EHMT1: variants seen among roughly 807,000 people sequenced by gnomAD.
EHMT1 encodes the protein histone-lysine N-methyltransferase EHMT1.
A neutral mutation model predicts 147.2 loss-of-function variants in EHMT1; 15 were observed. The observed-to-expected ratio is 0.10, with a 90% CI of 0.07 to 0.16. The LOEUF is 0.16. EHMT1 is among the 10% of genes least tolerant of loss of function. EHMT1 has a pLI of 1.00. For missense variants in EHMT1, 1,587 were observed against 1,772.4 expected, an observed-to-expected ratio of 0.90 and a Z score of 1.88; for synonymous variants, 795 against 709.6, an observed-to-expected ratio of 1.12 and a Z score of -1.91.
At chr9:137,827,792 A>T (rs1182894388) in intron 25 of EHMT1, among the ~76,000 whole-genome samples, 3 of 149,938 alleles carry the variant, frequency 2.0e-5, no homozygotes, top group East Asian at 4.0e-4. Context: ...CCTTTGTTCA[A>T]ATCTCCCATC....
chr9:137,821,134 C>T (rs1955382744), intron 25 of EHMT1, among the ~76,000 whole-genome samples: 1 of 152,134 alleles, frequency 6.6e-6, no homozygotes, highest in African/African-American at 2.4e-5. Context: ...CCTTGGCCTC[C>T]CAAAGTGCTG....
rs1185168348 is a variant in EHMT1, at chr9:137,835,537, C to T, written c.*584C>T. On this transcript the variant is annotated 3_prime_UTR_variant, in exon 27 of 27. Transcript: ENST00000460843. Reference sequence around the variant, plus strand: ...ATGTGGGTTTGCTTTTTAAAGGAATCCTATATCTAGTCCTATATATCAAAC... The same window carrying T: ...ATGTGGGTTTGCTTTTTAAAGGAATTCTATATCTAGTCCTATATATCAAAC... The T allele has an allele frequency of 6.6e-6, 1 of 152,506 alleles. No individual in the cohort carries two copies. The highest frequency in any genetic ancestry group is 2.4e-5 in the African/African-American group (1 of 41,436). The allele number at this position is 152,506 out of a possible 1,614,324, so 9.4% of individuals were successfully genotyped here.
At chr9:137,670,160 T>C (rs1940402302) in intron 1 of EHMT1, among the ~76,000 whole-genome samples, 1 of 152,188 alleles carries the variant, frequency 6.6e-6, no homozygotes, top group African/African-American at 2.4e-5. Context: ...GCGCCTGGGC[T>C]GAAAAAAGCT....
At chr9:137,745,777 T>G in intron 6 of EHMT1, 1 of 377,180 alleles carries the variant, frequency 2.7e-6, no homozygotes, top group Non-Finnish European at 4.7e-6. Context: ...AAGTGCTGTC[T>G]GCATTTACAG....
At position 137,636,241 on chromosome 9, in the gene EHMT1, A is replaced by G. The variant is rs200468270; in HGVS notation, c.21+17192A>G. On this transcript the variant is annotated intron_variant, in intron 1 of 26. Transcript: ENST00000460843. ...AGCCACATTTCATTTTTAGATTGCA[A>G]TTGTATAGACATAAAATTGATTTTT... Among the ~76,000 whole-genome samples the G allele has an allele frequency of 1.2e-4, 18 of 152,264 alleles. No individual in the cohort carries two copies. The East Asian group carries it at 3.3e-3, about 28-fold the overall frequency.
At chr9:137,834,319 T>A in intron 25 of EHMT1, 30 bp from the exon 26 acceptor site, 1 of 1,609,088 alleles carries the variant, frequency 6.2e-7, no homozygotes, top group Non-Finnish European at 8.5e-7. Context: ...CCTTGCTAAC[T>A]GCAGCCCGTG....
intron 19 of EHMT1, 116 bp downstream of exon 19, chr9:137,811,731 T>A: frequency 7.3e-7 from 1 of 1,374,538 alleles, no homozygotes; most frequent in South Asian, 1.2e-5. Flanking sequence ...AGGCCCTCTG[T>A]TCCTTCGTGT....
intron 8 of EHMT1, among the ~76,000 whole-genome samples, chr9:137,757,645 C>G (rs1458818967): frequency 6.6e-6 from 1 of 152,174 alleles, no homozygotes; most frequent in Non-Finnish European, 1.5e-5. Context: ...TACAGCTTCT[C>G]TCCTCCCCCA....
chr9:137,716,768 C>A lies in EHMT1; in HGVS notation c.228C>A (p.Ser76Arg), dbSNP rs368743632. 1.2e-6 allele frequency: 2 copies of A among 1,612,918 alleles called. No individual in the cohort carries two copies. Among genetic ancestry groups the A allele is most frequent in the African/African-American group, 1.3e-5 (1 of 74,872 alleles). The part of the protein sequence containing the change: ...HANAAKHTQD[S>R]ARVNPQDGTN... ...ATGCTGCAAAGCACACTCAGGACAG[C>A]GCAAGGGTCAACCCCCAGGATGGCA... The change falls in exon 3 of 27, where the codon AGC becomes AGA. Residue 76 changes from serine to arginine, a missense_variant. Ser to Arg is a moderately radical substitution (Grantham distance 110, BLOSUM62 -1). This residue lies in a region of EHMT1 where 810 missense variants were observed against 673.0 expected (regional missense o/e 1.20). Transcript: ENST00000460843.
At chr9:137,641,422 C>T (rs530500962) in intron 1 of EHMT1, 15 of 532,620 alleles carry the variant, frequency 2.8e-5, no homozygotes, top group Non-Finnish European at 5.2e-5. Context: ...TCTGTCACTT[C>T]AGCACTGGTC....
intron 10 of EHMT1, among the ~76,000 whole-genome samples, chr9:137,768,722 TGTATTTTTA>T (rs1398461602): frequency 1.1e-4 from 16 of 151,206 alleles, no homozygotes; most frequent in African/African-American, 3.6e-4. Flanking sequence ...GCTAATTTTT[TGTATTTTTA>T]GTAGAGACGG....
At chr9:137,668,699 C>T (rs188269217) in intron 1 of EHMT1, among the ~76,000 whole-genome samples, 37 of 151,678 alleles carry the variant, frequency 2.4e-4, no homozygotes, top group African/African-American at 7.3e-4. Flanking sequence ...TGTTGTCTTT[C>T]GTGCCTGACT....
intron 9 of EHMT1, 30 bp downstream of exon 9, chr9:137,758,041 C>T: frequency 6.2e-7 from 1 of 1,613,654 alleles, no homozygotes; most frequent in Non-Finnish European, 8.5e-7. Flanking sequence ...TTAGACCGGG[C>T]ACCATCTTGG....
chr9:137,757,002 G>T (rs3125793), intron 8 of EHMT1, among the ~76,000 whole-genome samples: 2 of 152,092 alleles, frequency 1.3e-5, no homozygotes, highest in African/African-American at 4.8e-5. Context: ...TAAGATTGGT[G>T]ACTAGTCCCT....
At chr9:137,770,765 C>G (rs2136535434) in intron 10 of EHMT1, among the ~76,000 whole-genome samples, 1 of 152,186 alleles carries the variant, frequency 6.6e-6, no homozygotes, top group East Asian at 1.9e-4. Flanking sequence ...CTCTGAGCAC[C>G]CAGGAGCGAA....
intron 1 of EHMT1, among the ~76,000 whole-genome samples, chr9:137,636,253 T>C (rs1165763807): frequency 1.3e-5 from 2 of 152,222 alleles, no homozygotes; most frequent in Non-Finnish European, 2.9e-5. Context: ...TGTATAGACA[T>C]AAAATTGATT....
At chr9:137,737,011 TG>T (rs1223258127) in intron 4 of EHMT1, among the ~76,000 whole-genome samples, 3 of 152,094 alleles carry the variant, frequency 2.0e-5, no homozygotes, top group Non-Finnish European at 4.4e-5. Flanking sequence ...CAGAGCGGCC[TG>T]GGCAACATAG....
chr9:137,698,039 CGTGAGGGCAGCGT>C (rs1370960484), intron 1 of EHMT1, among the ~76,000 whole-genome samples: 8 of 134,594 alleles, frequency 5.9e-5, no homozygotes, highest in African/African-American at 2.0e-4. Flanking sequence ...TCCCCACTGT[CGTGAGGGCAGCGT>C]GTGAGGGCGG....
At chr9:137,635,798 C>T (rs564647326) in intron 1 of EHMT1, among the ~76,000 whole-genome samples, 6 of 150,794 alleles carry the variant, frequency 4.0e-5, no homozygotes, top group South Asian at 2.1e-4. Context: ...CCAGCCTGGG[C>T]GACAGAGCGA....
Sources: gnomAD v4.1 joint callset for allele counts (sites outside exome capture counted in the v4.1 genomes callset) on GRCh38, gnomAD v4.1.1 for gene constraint, gnomAD v4.1.1 regional missense constraint, MANE v1.5 for transcripts, NCBI Gene and HGNC (gene_info 2026-07-23, HGNC 2026-07-21) for gene names.